Variants in XK observed in about 807,000 individuals in gnomAD.
The protein encoded by XK is endoplasmic reticulum membrane adapter protein XK.
In XK, 2 loss-of-function variants were observed where a neutral mutation model predicts 14.0. The ratio of observed to expected loss-of-function variants is 0.14; its 90% CI spans 0.06 to 0.45. The LOEUF (loss-of-function observed/expected upper bound fraction) is 0.45. XK is among the 20% of genes least tolerant of loss of function. The pLI is 0.98. For synonymous variants in XK, 149 were observed against 147.5 expected (o/e 1.01, Z -0.08); for missense variants, 235 against 341.5 (o/e 0.69, Z 2.46).
Position 37,729,754 on chromosome X carries a change from T to C in XK, c.*1292T>C, listed in dbSNP as rs1928051130. 9.0e-6 allele frequency: 1 copy of C among 111,532 alleles called. No individual in the cohort carries two copies. The highest frequency in any genetic ancestry group is 3.3e-5 in the African/African-American group (1 of 30,690). The allele number at this position is 111,532 out of a possible 1,213,427, so 9.2% of individuals were successfully genotyped here. A position where few individuals can be genotyped will look rare whatever the true frequency, so the allele number is the denominator to read the frequency against. ...AAAGATCACACCAATTTAGAATGAA[T>C]ATTAAAGTCTGAGAAATTTACAAAA... On this transcript the variant is annotated 3_prime_UTR_variant, in exon 3 of 3. Transcript: ENST00000378616.
rs376299393 is a variant in XK, at chrX:37,718,413, G to T, written c.509-9223G>T. Reference sequence around the variant, plus strand: ...ATATTGCAGTTTGTAACAGAAGTTTGTTCCTTAGCATTGCTGTATAGGATT... The same window carrying T: ...ATATTGCAGTTTGTAACAGAAGTTTTTTCCTTAGCATTGCTGTATAGGATT... On this transcript the variant is annotated intron_variant, in intron 2 of 2. Coordinates refer to ENST00000378616, the MANE Select transcript of XK (RefSeq NM_021083.4). Among the ~76,000 whole-genome samples the T allele has an allele frequency of 6.2e-4, 70 of 112,201 alleles. 2 individuals are homozygous for T. Among genetic ancestry groups the T allele is most frequent in the East Asian group, 2.2e-3 (8 of 3,587 alleles).
chrX:37,701,001 G>A (rs1176828475), intron 2 of XK, among the ~76,000 whole-genome samples: 1 of 111,704 alleles, frequency 9.0e-6, no homozygotes, highest in Non-Finnish European at 1.9e-5. Context: ...AAGAGGACTT[G>A]AGACAGGGAT....
chrX:37,725,352 A>G (rs918442373), intron 2 of XK, among the ~76,000 whole-genome samples: 2 of 112,041 alleles, frequency 1.8e-5, no homozygotes, highest in Non-Finnish European at 3.8e-5. Flanking sequence ...TAGCTTGACT[A>G]TAGTCATCAT....
At chrX:37,715,953 G>T (rs1729061113) in intron 2 of XK, among the ~76,000 whole-genome samples, 1 of 110,974 alleles carries the variant, frequency 9.0e-6, no homozygotes, top group Non-Finnish European at 1.9e-5. Flanking sequence ...CATGATGTCG[G>T]CTCTGATTTT....
intron 2 of XK, among the ~76,000 whole-genome samples, chrX:37,706,669 T>C (rs1927532241): frequency 9.2e-6 from 1 of 109,128 alleles, no homozygotes; most frequent in South Asian, 4.0e-4. Context: ...CATTCTTGGG[T>C]GTTTCTCGCA....
chrX:37,688,331 G>A (rs1927138723), intron 1 of XK, among the ~76,000 whole-genome samples: 5 of 111,001 alleles, frequency 4.5e-5, no homozygotes, highest in Non-Finnish European at 1.9e-5. Context: ...CTCCCAAAGT[G>A]CTGGGACCAC....
chrX:37,718,031 G>A (rs1927797673), intron 2 of XK, among the ~76,000 whole-genome samples: 1 of 111,464 alleles, frequency 9.0e-6, no homozygotes, highest in South Asian at 3.7e-4. Context: ...TTTATCGAGT[G>A]CCTACTAAGT....
chrX:37,703,684 A>G (rs1174142878), intron 2 of XK, among the ~76,000 whole-genome samples: 1 of 112,182 alleles, frequency 8.9e-6, no homozygotes, highest in Non-Finnish European at 1.9e-5. Flanking sequence ...TGGGCAGCAC[A>G]GTAGAATGAT....
At chrX:37,695,543 G>A (rs782420461) in intron 2 of XK, among the ~76,000 whole-genome samples, 1 of 111,304 alleles carries the variant, frequency 9.0e-6, no homozygotes, top group African/African-American at 3.3e-5. Context: ...ATGGGTAAAC[G>A]AAAACCATTA....
chrX:37,707,406 A>G (rs1927556027), intron 2 of XK, among the ~76,000 whole-genome samples: 1 of 106,245 alleles, frequency 9.4e-6, no homozygotes, highest in Admixed American at 9.8e-5. Context: ...CTCACTTCTC[A>G]GACAGGGTGG....
chrX:37,705,230 G>T (rs1329451269), intron 2 of XK, among the ~76,000 whole-genome samples: 1 of 110,200 alleles, frequency 9.1e-6, no homozygotes, highest in Non-Finnish European at 1.9e-5. Context: ...CGGATCACGA[G>T]GTCAGGAGAT....
At chrX:37,723,425 A>G (rs1556449377) in intron 2 of XK, among the ~76,000 whole-genome samples, 2 of 111,328 alleles carry the variant, frequency 1.8e-5, no homozygotes, top group African/African-American at 6.5e-5. Context: ...CCCCATTTCT[A>G]TCTGTGACAT....
rs964989299 is a variant in XK, at chrX:37,729,967, C to G, written c.*1505C>G. The G allele has an allele frequency of 9.0e-6, 1 of 111,609 alleles. No homozygotes were observed. The highest frequency in any genetic ancestry group is 9.6e-5 in the Admixed American group (1 of 10,466). 9.2% of individuals were successfully genotyped at this position (111,609 alleles called of 1,213,427 possible). On this transcript the variant is annotated 3_prime_UTR_variant, in exon 3 of 3. Coordinates refer to ENST00000378616, the MANE Select transcript of XK (RefSeq NM_021083.4). ...TTTGATAATCAGTTTCCACTACATT[C>G]GGAGGTCAAGAAAGCAGTATATATT...
intron 2 of XK, among the ~76,000 whole-genome samples, chrX:37,716,653 A>G (rs1927771931): frequency 8.9e-6 from 1 of 111,861 alleles, no homozygotes; most frequent in African/African-American, 3.3e-5. Flanking sequence ...AGTAGAATAG[A>G]GAAACTCTAT....
intron 2 of XK, among the ~76,000 whole-genome samples, chrX:37,697,510 A>G (rs1320504616): frequency 1.8e-5 from 2 of 112,049 alleles, no homozygotes; most frequent in African/African-American, 6.5e-5. Context: ...ACATGACCCT[A>G]TTCAGCATTC....
chrX:37,728,317 G>A lies in XK; in HGVS notation c.1190G>A (p.Trp397Ter). The change falls in exon 3 of 3, where the codon TGG becomes TAG. Residue 397 changes from tryptophan (W) to a stop codon, truncating the protein, a stop_gained. Coordinates refer to ENST00000378616, the MANE Select transcript of XK (RefSeq NM_021083.4). LOFTEE classifies it low-confidence loss of function (END_TRUNC). ...GFQRWLRCFC[W>*]ACRQQKPCEP... The stretch of plus-strand genomic sequence containing the variant: ...CAGAGGTGGCTCAGGTGTTTTTGCT[G>A]GGCCTGCAGGCAGCAAAAACCCTGT... 1 of 1,210,506 alleles carries A rather than the reference G, an allele frequency of 8.3e-7. No homozygotes were observed.
chrX:37,705,313 G>T (rs782045022), intron 2 of XK, among the ~76,000 whole-genome samples: 1 of 109,778 alleles, frequency 9.1e-6, no homozygotes. Flanking sequence ...TTAGCCGGGC[G>T]TGGTGGCGGG....
intron 2 of XK, among the ~76,000 whole-genome samples, chrX:37,726,725 T>C (rs782393063): frequency 2.5e-4 from 28 of 112,071 alleles, no homozygotes; most frequent in Non-Finnish European, 4.7e-4. Context: ...TACCCATAAG[T>C]CATTTTAAGA....
At position 37,731,032 on chromosome X, in the gene XK, G is replaced by C. The variant is rs1317359599; in HGVS notation, c.*2570G>C. ...GGTGTCAGTACTTTCTTTCTGTGTG[G>C]TGAAAACATAAGCCATGGTGAACTG... is the stretch of plus-strand genomic sequence containing the variant. On this transcript the variant is annotated 3_prime_UTR_variant, in exon 3 of 3. Coordinates refer to ENST00000378616, the MANE Select transcript of XK (RefSeq NM_021083.4). 3 of 111,706 alleles carry C rather than the reference G, an allele frequency of 2.7e-5. No homozygotes were observed. Among genetic ancestry groups the C allele is most frequent in the African/African-American group, 9.8e-5 (3 of 30,695 alleles). 9.2% of individuals were successfully genotyped at this position (111,706 alleles called of 1,213,427 possible). A position where few individuals can be genotyped will look rare whatever the true frequency, so the allele number is the denominator to read the frequency against.
Sources: allele counts gnomAD v4.1 joint callset (sites outside exome capture counted in the v4.1 genomes callset), GRCh38; gene constraint gnomAD v4.1.1; transcripts MANE v1.5; gene names NCBI Gene and HGNC (gene_info 2026-07-23, HGNC 2026-07-21).